NEMP2: variants seen among roughly 807,000 people sequenced by gnomAD.
NEMP2 encodes UPF0571 transmembrane protein.
NEMP2 carries 53 observed loss-of-function variants against 54.2 expected under a neutral mutation model. That is an observed-to-expected ratio of 0.98 (90% CI 0.78 to 1.23). The LOEUF (loss-of-function observed/expected upper bound fraction) is 1.23. Ranked by LOEUF, NEMP2 falls within the 50% of genes most tolerant of loss-of-function variation. NEMP2 has a pLI of 0.00. For synonymous variants in NEMP2, 197 were observed against 190.3 expected (o/e 1.04, Z -0.29); for missense variants, 455 against 511.3 (o/e 0.89, Z 1.06).
the NEMP2 span, chr2:190,624,683 T>C: frequency 6.6e-6 from 1 of 152,212 alleles, no homozygotes; most frequent in African/African-American, 2.4e-5. Flanking sequence ...GAGGTCATTA[T>C]GTTGAGTGAA....
the NEMP2 span, among the ~76,000 whole-genome samples, chr2:190,446,886 A>G: frequency 3.9e-5 from 6 of 152,268 alleles, no homozygotes; most frequent in South Asian, 8.3e-4. Flanking sequence ...GAACAGGCCA[A>G]ATTTCAGGGG....
At chr2:190,445,283 A>G in the NEMP2 span, among the ~76,000 whole-genome samples, 102 of 152,298 alleles carry the variant, frequency 6.7e-4, no homozygotes, top group Non-Finnish European at 7.5e-4. Context: ...AGATGCTGTC[A>G]TTGTTAACTA....
chr2:190,583,183 A>T, the NEMP2 span, among the ~76,000 whole-genome samples: 1 of 151,630 alleles, frequency 6.6e-6, no homozygotes, highest in Non-Finnish European at 1.5e-5. Flanking sequence ...TAAAAACTTG[A>T]TGGGCAGAAG....
At chr2:190,484,971 A>G in the NEMP2 span, among the ~76,000 whole-genome samples, 2 of 152,176 alleles carry the variant, frequency 1.3e-5, no homozygotes, top group African/African-American at 4.8e-5. Context: ...GAGTTAATTT[A>G]AAGAATGTAA....
the NEMP2 span, chr2:190,488,619 C>G: frequency 7.1e-7 from 1 of 1,407,164 alleles, no homozygotes; most frequent in Non-Finnish European, 9.3e-7. The surrounding 1 kb of genome is among the most constrained non-coding windows in gnomAD (Gnocchi z 6.4). Flanking sequence ...CTAAGAAATG[C>G]TAACCAACTA....
rs1188327888 is a variant in NEMP2, at chr2:190,531,605, C to T, written c.97+2954G>A. On this transcript the variant is annotated intron_variant, in intron 1 of 8. Transcript: ENST00000409150. This position sits in a 1 kb window ranked among gnomAD's most constrained non-coding sequence, Gnocchi z 4.7. ...GTTCCCTTAACCAATGAGATAGATTCCTTAGTTCATTTTAAATACCACTCA... is the reference window on the plus strand; with the variant it reads ...GTTCCCTTAACCAATGAGATAGATTTCTTAGTTCATTTTAAATACCACTCA... Among the ~76,000 whole-genome samples, 1 of 151,874 alleles carries T rather than the reference C, an allele frequency of 6.6e-6. No individual in the cohort carries two copies. The highest frequency in any genetic ancestry group is 2.4e-5 in the African/African-American group (1 of 41,320).
chr2:190,461,198 A>AC, the NEMP2 span, among the ~76,000 whole-genome samples: 1 of 152,208 alleles, frequency 6.6e-6, no homozygotes, highest in African/African-American at 2.4e-5. The surrounding 1 kb of genome is among the most constrained non-coding windows in gnomAD (Gnocchi z 5.5). Context: ...CAGGTTGAGA[A>AC]CCATGGGTCA....
the NEMP2 span, chr2:190,433,483 T>C: frequency 6.6e-6 from 1 of 152,164 alleles, no homozygotes; most frequent in Non-Finnish European, 1.5e-5. The surrounding 1 kb of genome is among the most constrained non-coding windows in gnomAD (Gnocchi z 4.5). Context: ...AAAAAAATGT[T>C]TTTCTTTCAC....
At chr2:190,647,141 C>T in the NEMP2 span, among the ~76,000 whole-genome samples, 7 of 152,242 alleles carry the variant, frequency 4.6e-5, no homozygotes, top group South Asian at 2.1e-4. Flanking sequence ...AGAGAAACTT[C>T]CAGCAGTGAT....
chr2:190,447,018 T>C, the NEMP2 span, among the ~76,000 whole-genome samples: 1 of 152,152 alleles, frequency 6.6e-6, no homozygotes, highest in Non-Finnish European at 1.5e-5. This position sits in a 1 kb window ranked among gnomAD's most constrained non-coding sequence, Gnocchi z 4.5. Context: ...AGAGAGTTCA[T>C]GTTTAGCACA....
chr2:190,574,049 G>A, the NEMP2 span, among the ~76,000 whole-genome samples: 11 of 152,212 alleles, frequency 7.2e-5, no homozygotes, highest in East Asian at 1.9e-4. Flanking sequence ...AACCTCATGC[G>A]TTTCTCCCCT....
At chr2:190,452,794 A>G in the NEMP2 span, among the ~76,000 whole-genome samples, 198 of 152,304 alleles carry the variant, frequency 1.3e-3, no homozygotes, top group Non-Finnish European at 2.2e-3. Flanking sequence ...TCCTGAGTGA[A>G]ACTCTTATTC....
intron 1 of NEMP2, 193 bp downstream of exon 1, chr2:190,534,364 CGA>C (rs893732905): frequency 8.3e-7 from 1 of 1,205,156 alleles, no homozygotes; most frequent in Admixed American, 4.4e-5. Flanking sequence ...AACTGCCAGG[CGA>C]GAGACTACGG....
At chr2:190,590,136 C>T in the NEMP2 span, among the ~76,000 whole-genome samples, 2 of 152,212 alleles carry the variant, frequency 1.3e-5, no homozygotes, top group African/African-American at 2.4e-5. The surrounding 1 kb of genome is among the most constrained non-coding windows in gnomAD (Gnocchi z 5.1). Flanking sequence ...CTTGGAACTT[C>T]TGCCAAAAGT....
At chr2:190,554,654 C>G in the NEMP2 span, among the ~76,000 whole-genome samples, 313 of 152,350 alleles carry the variant, frequency 2.1e-3, no homozygotes, top group South Asian at 8.9e-3. The surrounding 1 kb of genome is among the most constrained non-coding windows in gnomAD (Gnocchi z 5.7). Context: ...GCAACAGTCC[C>G]AGTCAGGGAC....
At chr2:190,586,057 AT>A in the NEMP2 span, among the ~76,000 whole-genome samples, 1 of 152,010 alleles carries the variant, frequency 6.6e-6, no homozygotes, top group Non-Finnish European at 1.5e-5. The surrounding 1 kb of genome is among the most constrained non-coding windows in gnomAD (Gnocchi z 4.5). Flanking sequence ...GTTTTTCTTC[AT>A]TTTCTCTCCA....
rs1157627301 is a variant in NEMP2 at position 190,506,614 on chromosome 2, A to T, written c.*2575T>A. On this transcript the variant is annotated 3_prime_UTR_variant, in exon 9 of 9. Transcript: ENST00000409150. The surrounding 1 kb of genome is among the most constrained non-coding windows in gnomAD (Gnocchi z 6.3). ...CCCCTGTAATTCAGCCCTAGGTATT[A>T]CTGGCAAACCATACAACTAATTCAC... 1 of 152,228 alleles carries T rather than the reference A, an allele frequency of 6.6e-6. No homozygotes were observed. Among genetic ancestry groups the T allele is most frequent in the East Asian group, 1.9e-4 (1 of 5,200 alleles). The allele number at this position is 152,228 out of a possible 1,614,324, so 9.4% of individuals were successfully genotyped here. A position where few individuals can be genotyped will look rare whatever the true frequency, so the allele number is the denominator to read the frequency against.
chr2:190,645,066 A>G, the NEMP2 span, among the ~76,000 whole-genome samples: 9 of 152,328 alleles, frequency 5.9e-5, no homozygotes, highest in African/African-American at 1.9e-4. Flanking sequence ...TAACAGGTAA[A>G]AACAAAAACT....
chr2:190,572,851 ATATATATATATATATATATATATATG>A, the NEMP2 span, among the ~76,000 whole-genome samples: 2 of 116,142 alleles, frequency 1.7e-5, no homozygotes, highest in South Asian at 2.7e-4. Context: ...ATATATATAT[ATATATATATATATATATATATATATG>A]TATATATTTT....
Sources: allele counts gnomAD v4.1 joint callset (sites outside exome capture counted in the v4.1 genomes callset), GRCh38; gene constraint gnomAD v4.1.1; non-coding constraint Gnocchi (gnomAD v3.1); transcripts MANE v1.5; gene names NCBI Gene and HGNC (gene_info 2026-07-23, HGNC 2026-07-21).